The following RBFOX1 variants were observed in gnomAD, a reference collection of about 807,000 sequenced individuals.
RBFOX1 encodes RNA binding fox-1 homolog 1.
Under a neutral mutation model 57.7 loss-of-function variants are expected in RBFOX1, and 8 were observed. That is an observed-to-expected ratio of 0.14 (90% confidence interval 0.08 to 0.25). The LOEUF is 0.25. Ranked by LOEUF, RBFOX1 falls within the 10% of genes least tolerant of loss-of-function variation. The pLI is 1.00. For missense variants in RBFOX1, 611 were observed against 548.5 expected (o/e 1.11, Z -1.14); for synonymous variants, 326 against 222.4 (o/e 1.47, Z -4.15).
intron 3 of RBFOX1, among the ~76,000 whole-genome samples, chr16:6,972,353 C>G (rs1008289541): frequency 1.3e-5 from 2 of 152,036 alleles, no homozygotes; most frequent in African/African-American, 2.4e-5. Context: ...AGCGTTTCTC[C>G]TTTCGTGACT....
At chr16:6,476,896 G>T (rs1597799570) in intron 2 of RBFOX1, among the ~76,000 whole-genome samples, 2 of 152,174 alleles carry the variant, frequency 1.3e-5, no homozygotes, top group Admixed American at 1.3e-4. Flanking sequence ...TACATTCTTT[G>T]TTGTCATTGC....
chr16:7,224,393 T>G (rs762435739), intron 4 of RBFOX1, among the ~76,000 whole-genome samples: 1 of 152,186 alleles, frequency 6.6e-6, no homozygotes, highest in Admixed American at 6.5e-5. Flanking sequence ...CCATGCAAAT[T>G]AGTGGAACTT....
chr16:6,009,125 T>C (rs1596395047), intron 4 of RBFOX1, among the ~76,000 whole-genome samples: 1 of 152,078 alleles, frequency 6.6e-6, no homozygotes, highest in East Asian at 1.9e-4. Flanking sequence ...CTTCTCCATC[T>C]TGTCCATTGT....
Position 5,839,376 on chromosome 16 carries a change from C to G in RBFOX1, c.319-27927C>G, listed in dbSNP as rs13335785. Among the ~76,000 whole-genome samples, 195 of 152,242 alleles carry G rather than the reference C, an allele frequency of 1.3e-3. 1 individual carries two copies. Among genetic ancestry groups the G allele is most frequent in the African/African-American group, 4.4e-3 (184 of 41,546 alleles). On this transcript the variant is annotated intron_variant, in intron 3 of 19. Transcript: ENST00000641259. ...TGGGACCCACTTTTTGCCAAAAGCC[C>G]TTTTCTTGGTTTATGGCCCTAATTC...
intron 3 of RBFOX1, among the ~76,000 whole-genome samples, chr16:5,696,723 TATG>T (rs1485802721): frequency 1.3e-5 from 2 of 152,246 alleles, no homozygotes; most frequent in East Asian, 1.9e-4. Flanking sequence ...TTTACATTCT[TATG>T]ATATTGCCTT....
rs148667474 is a variant in RBFOX1, at chr16:5,541,463, A to G, written c.259-57439A>G. Among the ~76,000 whole-genome samples the G allele has an allele frequency of 2.3e-3, 351 of 152,202 alleles. 2 individuals carry two copies. The highest frequency in any genetic ancestry group is 8.1e-3 in the African/African-American group (335 of 41,544). ...ATGAATATAGGTAAGATGTACATTG[A>G]TTCCTTCTGGAAAGGCAGGACAACT... On this transcript the variant is annotated intron_variant, in intron 2 of 2. Coordinates refer to the RBFOX1 transcript ENST00000585867.
In RBFOX1 at chr16:6,098,424, C is replaced by T. The variant is rs147144817; in HGVS notation, c.-127+78432C>T. On this transcript the variant is annotated intron_variant, in intron 1 of 15. Transcript: ENST00000550418. ...CTCTATCAATGCCCACTTGCACTGC[C>T]TCCTAAATTAGCTTTGTGTCTTTAA... is the stretch of plus-strand genomic sequence containing the variant. 7.2e-5 allele frequency among the ~76,000 whole-genome samples: 11 copies of T among 152,348 alleles called. No individual in the cohort carries two copies. The East Asian group carries it at 2.1e-3, about 29-fold the overall frequency.
chr16:5,481,989 G>A (rs561229176), intron 2 of RBFOX1, among the ~76,000 whole-genome samples: 4 of 152,300 alleles, frequency 2.6e-5, no homozygotes, highest in African/African-American at 7.2e-5. Context: ...CTGGGACTTA[G>A]AGCTTGAACA....
chr16:6,259,397 A>G (rs2097688091), intron 1 of RBFOX1, among the ~76,000 whole-genome samples: 2 of 152,132 alleles, frequency 1.3e-5, no homozygotes, highest in African/African-American at 2.4e-5. Context: ...AAGCAAGTGA[A>G]ATAAGCTGCC....
At chr16:5,779,151 A>T (rs2054243731) in intron 3 of RBFOX1, among the ~76,000 whole-genome samples, 1 of 152,170 alleles carries the variant, frequency 6.6e-6, no homozygotes, top group South Asian at 2.1e-4. Context: ...AATAAATTGC[A>T]TACCCACTTT....
intron 4 of RBFOX1, among the ~76,000 whole-genome samples, chr16:5,922,243 A>G (rs962157360): frequency 1.3e-5 from 2 of 152,190 alleles, no homozygotes; most frequent in African/African-American, 4.8e-5. Context: ...GATGGTGTTA[A>G]TCCATTCATG....
intron 2 of RBFOX1, among the ~76,000 whole-genome samples, chr16:6,338,052 A>G (rs2084014154): frequency 6.6e-6 from 1 of 152,184 alleles, no homozygotes. Context: ...TTTTATCCAG[A>G]TGGTTTTGTC....
intron 3 of RBFOX1, among the ~76,000 whole-genome samples, chr16:5,609,872 G>A (rs1337697784): frequency 1.3e-5 from 2 of 151,760 alleles, no homozygotes; most frequent in Non-Finnish European, 2.9e-5. Flanking sequence ...GTGCAGAGAC[G>A]GTGGGGGCGG....
intron 3 of RBFOX1, among the ~76,000 whole-genome samples, chr16:5,657,067 T>C (rs2049455503): frequency 6.6e-6 from 1 of 152,170 alleles, no homozygotes; most frequent in Non-Finnish European, 1.5e-5. Flanking sequence ...ACCTACATGT[T>C]CTGCACATGT....
At chr16:6,681,531 T>G (rs1304292572) in intron 3 of RBFOX1, among the ~76,000 whole-genome samples, 1 of 152,162 alleles carries the variant, frequency 6.6e-6, no homozygotes. Context: ...AGAGGTGTTT[T>G]TCATCTCCAA....
chr16:7,702,039 A>G (rs543092535), intron 14 of RBFOX1, among the ~76,000 whole-genome samples: 16 of 152,272 alleles, frequency 1.1e-4, no homozygotes, highest in Non-Finnish European at 1.9e-4. Flanking sequence ...GTGCACTGAG[A>G]TAACTTGTCC....
intron 4 of RBFOX1, among the ~76,000 whole-genome samples, chr16:5,933,291 A>G (rs1329598158): frequency 1.3e-5 from 2 of 152,102 alleles, no homozygotes; most frequent in Non-Finnish European, 2.9e-5. Context: ...GCACCAAACC[A>G]AGTCAAGGGG....
At chr16:7,254,484 G>GTC (rs921297292) in intron 4 of RBFOX1, among the ~76,000 whole-genome samples, 27 of 135,988 alleles carry the variant, frequency 2.0e-4, no homozygotes, top group Admixed American at 3.0e-4. Flanking sequence ...TCATGTTCCT[G>GTC]TCTCTCTCTC....
intron 2 of RBFOX1, among the ~76,000 whole-genome samples, chr16:5,582,039 G>A (rs1373616320): frequency 1.3e-5 from 2 of 152,214 alleles, no homozygotes; most frequent in African/African-American, 2.4e-5. Flanking sequence ...AATTGCAGAT[G>A]TTCAGCATAG....
Sources: gnomAD v4.1 joint callset for allele counts (sites outside exome capture counted in the v4.1 genomes callset) on GRCh38, gnomAD v4.1.1 for gene constraint, MANE v1.5 for transcripts, NCBI Gene and HGNC (gene_info 2026-07-23, HGNC 2026-07-21) for gene names.